Variants in TOX3 observed in about 807,000 individuals in gnomAD.
The protein encoded by TOX3 is TOX high mobility group box family member 3.
Under a neutral mutation model 64.3 loss-of-function variants are expected in TOX3, and 22 were observed. That is an observed-to-expected ratio of 0.34 (90% CI 0.24 to 0.49). The LOEUF (loss-of-function observed/expected upper bound fraction) is 0.49, where lower values mean the gene tolerates loss of function less well. TOX3 is among the 20% of genes least tolerant of loss of function. The pLI is 0.99. For synonymous variants in TOX3, 291 were observed against 273.6 expected, an observed-to-expected ratio of 1.06 and a Z score of -0.63; for missense variants, 661 against 714.4, an observed-to-expected ratio of 0.93 and a Z score of 0.85.
At chr16:52,479,284 G>T (rs1265096347) in intron 1 of TOX3, among the ~76,000 whole-genome samples, 4 of 152,176 alleles carry the variant, frequency 2.6e-5, no homozygotes, top group Non-Finnish European at 5.9e-5. Context: ...ACCAAGAAAT[G>T]AAGATGTATG....
chr16:52,536,626 ACTATATAT>A (rs1962949613), intron 1 of TOX3, among the ~76,000 whole-genome samples: 1 of 79,334 alleles, frequency 1.3e-5, no homozygotes. Flanking sequence ...ATAGATATAC[ACTATATAT>A]ATATATATAT....
chr16:52,531,914 T>C (rs1395392410), intron 1 of TOX3, among the ~76,000 whole-genome samples: 1 of 152,130 alleles, frequency 6.6e-6, no homozygotes, highest in Non-Finnish European at 1.5e-5. Context: ...GAAGACTCCC[T>C]GGACTAAGGG....
chr16:52,521,148 G>A (rs1440573799), intron 1 of TOX3, among the ~76,000 whole-genome samples: 4 of 152,174 alleles, frequency 2.6e-5, no homozygotes, highest in Non-Finnish European at 4.4e-5. Flanking sequence ...CTAAAAAAGA[G>A]ATTAGCAAGT....
At chr16:52,448,577 A>G (rs1189538217) in intron 4 of TOX3, among the ~76,000 whole-genome samples, 2 of 152,188 alleles carry the variant, frequency 1.3e-5, no homozygotes, top group Non-Finnish European at 2.9e-5. Flanking sequence ...GGGTGCTAAC[A>G]TGATGTTATA....
intron 6 of TOX3, among the ~76,000 whole-genome samples, chr16:52,443,466 GA>G (rs1324264082): frequency 6.6e-6 from 1 of 151,988 alleles, no homozygotes; most frequent in Admixed American, 6.5e-5. Flanking sequence ...GGTGAAAAGA[GA>G]AAAAAAGGAA....
intron 1 of TOX3, among the ~76,000 whole-genome samples, chr16:52,510,759 C>CAAAAAA (rs71376169): frequency 2.9e-4 from 21 of 72,004 alleles, no homozygotes; most frequent in Admixed American, 3.5e-4. Context: ...GACCCTGTCT[C>CAAAAAA]AAAAAAAAAA....
At chr16:52,512,827 A>G (rs773450246) in intron 1 of TOX3, among the ~76,000 whole-genome samples, 28 of 152,172 alleles carry the variant, frequency 1.8e-4, no homozygotes, top group Non-Finnish European at 3.1e-4. Flanking sequence ...TTAAAAAAAA[A>G]GAAGAAGAAG....
chr16:52,517,152 C>A (rs1404563829), intron 1 of TOX3, among the ~76,000 whole-genome samples: 1 of 152,156 alleles, frequency 6.6e-6, no homozygotes, highest in Non-Finnish European at 1.5e-5. Context: ...TTCCTGCCCC[C>A]TGCCATAACT....
At chr16:52,520,104 T>A (rs180731248) in intron 1 of TOX3, among the ~76,000 whole-genome samples, 1 of 152,306 alleles carries the variant, frequency 6.6e-6, no homozygotes, top group Admixed American at 6.5e-5. Flanking sequence ...TATATCTAAT[T>A]TTATGAAATA....
chr16:52,542,568 C>T lies in TOX3; in HGVS notation c.87+4069G>A, dbSNP rs994773904. ...CATGGCAACACTCTACTAATGCTGA[C>T]GAAGGCTATCCCTTTAAATGGGGTA... is the stretch of plus-strand genomic sequence containing the variant. On this transcript the variant is annotated intron_variant, in intron 1 of 6. Coordinates refer to ENST00000219746, the MANE Select transcript of TOX3 (RefSeq NM_001080430.4). 2.6e-5 allele frequency among the ~76,000 whole-genome samples: 4 copies of T among 152,278 alleles called. No individual in the cohort carries two copies. In the South Asian group the frequency reaches 6.2e-4, roughly 24 times the overall value.
In TOX3 at chr16:52,439,794, A is replaced by G. The variant is rs1188336001; in HGVS notation, c.1162T>C (p.Leu388=). Residue 388 remains leucine (L), a synonymous_variant, in exon 7 of 7, where the codon TTA becomes CTA. Transcript: ENST00000219746. ...TGGTTCATGGGGAGTCTCATGGTTA[A>G]GGGTTTGGGAGCGATTGACCTAGGG... is the stretch of plus-strand genomic sequence containing the variant. The part of the protein sequence containing the change: ...SLPRSIAPKP[L]TMRLPMNQIV... 1.9e-6 allele frequency: 3 copies of G among 1,613,926 alleles called. No individual in the cohort carries two copies. Among genetic ancestry groups the G allele is most frequent in the Non-Finnish European group, 2.5e-6 (3 of 1,179,874 alleles).
At chr16:52,494,687 G>T (rs45577538) in intron 1 of TOX3, among the ~76,000 whole-genome samples, 3,891 of 152,222 alleles carry the variant, frequency 0.026, 75 homozygotes, top group Non-Finnish European at 0.041. Flanking sequence ...ACATTTTGAG[G>T]ATGTTTCTAC....
intron 1 of TOX3, chr16:52,475,517 G>GA: frequency 6.6e-6 from 1 of 152,270 alleles, no homozygotes; most frequent in Middle Eastern, 3.4e-3. Flanking sequence ...CTTTATTCTA[G>GA]AAAATGCACT....
chr16:52,532,887 A>G (rs1962880317), intron 1 of TOX3, among the ~76,000 whole-genome samples: 1 of 152,186 alleles, frequency 6.6e-6, no homozygotes, highest in African/African-American at 2.4e-5. Flanking sequence ...GGAGAAGTCA[A>G]GGACTCATCA....
rs548386271 is a variant in TOX3 at position 52,539,746 on chromosome 16, G to A, written c.87+6891C>T. ...TATACCACTGAAATATCCAAAATGA[G>A]CTTGATCTGGTTATCTTTCCTCAAA... On this transcript the variant is annotated intron_variant, in intron 1 of 6. Transcript: ENST00000219746. 2.0e-5 allele frequency among the ~76,000 whole-genome samples: 3 copies of A among 152,276 alleles called. No individual in the cohort carries two copies. In the East Asian group the frequency reaches 5.8e-4, roughly 29 times the overall value.
At chr16:52,491,739 C>T (rs967535663) in intron 1 of TOX3, among the ~76,000 whole-genome samples, 2 of 152,100 alleles carry the variant, frequency 1.3e-5, no homozygotes, top group Non-Finnish European at 2.9e-5. Flanking sequence ...TATGTATTTT[C>T]TGCATAGATG....
chr16:52,446,628 A>T (rs902366326), intron 4 of TOX3, among the ~76,000 whole-genome samples: 7 of 152,182 alleles, frequency 4.6e-5, no homozygotes, highest in African/African-American at 1.7e-4. Context: ...AATATTTTAA[A>T]TGAGGTCCCT....
At chr16:52,441,316 C>T (rs1274638702) in intron 6 of TOX3, among the ~76,000 whole-genome samples, 2 of 152,090 alleles carry the variant, frequency 1.3e-5, no homozygotes, top group Non-Finnish European at 2.9e-5. Context: ...GAAGTTTTCA[C>T]AATTTTAGAA....
chr16:52,525,551 C>T (rs1202248281), intron 1 of TOX3, among the ~76,000 whole-genome samples: 1 of 152,136 alleles, frequency 6.6e-6, no homozygotes, highest in East Asian at 1.9e-4. Flanking sequence ...TCTTTGCTAT[C>T]AAAGACAGTG....
Sources: allele counts gnomAD v4.1 joint callset (sites outside exome capture counted in the v4.1 genomes callset), GRCh38; gene constraint gnomAD v4.1.1; transcripts MANE v1.5; gene names NCBI Gene and HGNC (gene_info 2026-07-23, HGNC 2026-07-21).